The following LRRC8C variants were observed in gnomAD, a reference collection of about 807,000 sequenced individuals.
LRRC8C encodes volume-regulated anion channel subunit LRRC8C.
In LRRC8C, 20 loss-of-function variants were observed where a neutral mutation model predicts 55.3. The ratio of observed to expected loss-of-function variants is 0.36; its 90% CI spans 0.25 to 0.53. The LOEUF is 0.53. LRRC8C is among the 20% of genes least tolerant of loss of function. The pLI, the probability that LRRC8C is intolerant of heterozygous loss-of-function variation, is 0.92. For synonymous variants in LRRC8C, 376 were observed against 360.7 expected, an observed-to-expected ratio of 1.04 and a Z score of -0.48; for missense variants, 659 against 951.4, an observed-to-expected ratio of 0.69 and a Z score of 4.04.
intron 1 of LRRC8C, among the ~76,000 whole-genome samples, chr1:89,667,898 G>T (rs1434490004): frequency 6.6e-6 from 1 of 152,208 alleles, no homozygotes; most frequent in East Asian, 1.9e-4. Flanking sequence ...GGACCTGAAT[G>T]GAGAAGCCAG....
At chr1:89,667,187 G>C (rs771689936) in intron 1 of LRRC8C, among the ~76,000 whole-genome samples, 1 of 152,070 alleles carries the variant, frequency 6.6e-6, no homozygotes, top group Non-Finnish European at 1.5e-5. Flanking sequence ...ATGCTGCCTA[G>C]GTGGTTTCAT....
intron 1 of LRRC8C, among the ~76,000 whole-genome samples, chr1:89,648,781 A>G (rs1004142965): frequency 6.6e-6 from 1 of 152,094 alleles, no homozygotes; most frequent in Non-Finnish European, 1.5e-5. Flanking sequence ...CCATTACTCT[A>G]TTTTTGTCAC....
At chr1:89,668,456 A>T (rs1257952799) in intron 1 of LRRC8C, 1 of 152,244 alleles carries the variant, frequency 6.6e-6, no homozygotes, top group Non-Finnish European at 1.5e-5. Context: ...TAAAAAGATC[A>T]TTCCTCAGAC....
chr1:89,631,042 G>T (rs1223100615), upstream of LRRC8C, among the ~76,000 whole-genome samples: 1 of 152,196 alleles, frequency 6.6e-6, no homozygotes, highest in Admixed American at 6.5e-5. Context: ...GACTCAACTT[G>T]CAGGGGATTC....
chr1:89,673,817 C>T (rs1657482442), intron 1 of LRRC8C, among the ~76,000 whole-genome samples: 1 of 152,176 alleles, frequency 6.6e-6, no homozygotes, highest in African/African-American at 2.4e-5. Flanking sequence ...ATGGAAAGTA[C>T]TCTCTGACAG....
Position 89,713,229 on chromosome 1 carries a change from T to A in LRRC8C, c.659T>A (p.Phe220Tyr). The A allele has an allele frequency of 6.2e-7, 1 of 1,614,170 alleles. No homozygotes were observed. The part of the protein sequence containing the change: ...SQSLKSIPEK[F>Y]VVDKSTAGAL... ...TCTTTAAAGTCCATTCCTGAGAAGTTTGTAGTTGATAAATCCACTGCAGGG... is the reference window on the plus strand; with the variant it reads ...TCTTTAAAGTCCATTCCTGAGAAGTATGTAGTTGATAAATCCACTGCAGGG... Residue 220 changes from phenylalanine (F) to tyrosine (Y), a missense_variant, in exon 3 of 3, where the codon TTT becomes TAT. By Grantham distance (22) the Phe-to-Tyr change is conservative. This residue lies in a region of LRRC8C where 200 missense variants were observed against 360.5 expected (regional missense o/e 0.55). Coordinates refer to ENST00000370454, the MANE Select transcript of LRRC8C (RefSeq NM_032270.5). The surrounding 1 kb of genome is among the most constrained non-coding windows in gnomAD (Gnocchi z 5.2).
chr1:89,621,446 G>A, the LRRC8C span, among the ~76,000 whole-genome samples: 4 of 152,154 alleles, frequency 2.6e-5, no homozygotes, highest in Admixed American at 1.3e-4. Context: ...CAGCCTGGGC[G>A]ACAGAGCGAG....
chr1:89,688,153 A>T (rs1385512167), intron 2 of LRRC8C, among the ~76,000 whole-genome samples: 1 of 152,128 alleles, frequency 6.6e-6, no homozygotes, highest in Non-Finnish European at 1.5e-5. Flanking sequence ...AGTCCCTCAC[A>T]CCATGCTGTC....
chr1:89,668,988 A>G (rs541423822), intron 1 of LRRC8C, among the ~76,000 whole-genome samples: 3 of 152,322 alleles, frequency 2.0e-5, no homozygotes, highest in African/African-American at 7.2e-5. Context: ...ATAAATTCTT[A>G]TTCTCAAAAG....
At chr1:89,646,299 G>C (rs918932508) in intron 1 of LRRC8C, among the ~76,000 whole-genome samples, 1 of 152,050 alleles carries the variant, frequency 6.6e-6, no homozygotes, top group Admixed American at 6.5e-5. Flanking sequence ...GACGTTAAAA[G>C]GATAGCAAGG....
At chr1:89,618,718 G>T in the LRRC8C span, among the ~76,000 whole-genome samples, 1 of 152,214 alleles carries the variant, frequency 6.6e-6, no homozygotes, top group Non-Finnish European at 1.5e-5. Flanking sequence ...AATGGTTAGA[G>T]TAGTTAAAAC....
At chr1:89,690,384 T>C (rs1398993960) in intron 2 of LRRC8C, among the ~76,000 whole-genome samples, 1 of 151,920 alleles carries the variant, frequency 6.6e-6, no homozygotes, top group Non-Finnish European at 1.5e-5. Flanking sequence ...GAAGGTTAGA[T>C]TTGGGGTGGC....
At chr1:89,694,885 T>A (rs1658128147) in intron 2 of LRRC8C, among the ~76,000 whole-genome samples, 1 of 150,510 alleles carries the variant, frequency 6.6e-6, no homozygotes, top group South Asian at 2.1e-4. Context: ...AGCTTTTTTG[T>A]TATAATAGCA....
chr1:89,710,377 G>A (rs1375447839), intron 2 of LRRC8C, among the ~76,000 whole-genome samples: 4 of 152,094 alleles, frequency 2.6e-5, no homozygotes, highest in Non-Finnish European at 4.4e-5. Flanking sequence ...ATGCTCCATT[G>A]AGATGTGAAA....
intron 1 of LRRC8C, among the ~76,000 whole-genome samples, chr1:89,652,216 C>G (rs1656809503): frequency 6.6e-6 from 1 of 152,066 alleles, no homozygotes; most frequent in Non-Finnish European, 1.5e-5. Flanking sequence ...ATCAGAAGAC[C>G]ATCACAGAGT....
At chr1:89,704,724 T>C (rs1162909147) in intron 2 of LRRC8C, among the ~76,000 whole-genome samples, 3 of 152,088 alleles carry the variant, frequency 2.0e-5, no homozygotes, top group Non-Finnish European at 4.4e-5. Flanking sequence ...CACAATGAGA[T>C]ACCATCTCAC....
At chr1:89,674,206 A>G (rs890691121) in intron 1 of LRRC8C, among the ~76,000 whole-genome samples, 1 of 152,166 alleles carries the variant, frequency 6.6e-6, no homozygotes, top group Non-Finnish European at 1.5e-5. Context: ...AATGATTCAT[A>G]TTTTCCGAGA....
chr1:89,624,995 T>G, the LRRC8C span: 38 of 151,888 alleles, frequency 2.5e-4, no homozygotes, highest in African/African-American at 7.7e-4. Flanking sequence ...AGGGGTAGAG[T>G]TCAATGGACA....
chr1:89,622,535 G>C, the LRRC8C span, among the ~76,000 whole-genome samples: 1 of 151,976 alleles, frequency 6.6e-6, no homozygotes, highest in Non-Finnish European at 1.5e-5. Flanking sequence ...GGGTTTCACT[G>C]TGTTAGCCAG....
Sources: gnomAD v4.1 joint callset for allele counts (sites outside exome capture counted in the v4.1 genomes callset) on GRCh38, gnomAD v4.1.1 for gene constraint, gnomAD v4.1.1 regional missense constraint, Gnocchi (gnomAD v3.1) non-coding constraint, MANE v1.5 for transcripts, NCBI Gene and HGNC (gene_info 2026-07-23, HGNC 2026-07-21) for gene names.